The following PLEKHA6 variants were observed in gnomAD, a reference collection of about 807,000 sequenced individuals.
The protein encoded by PLEKHA6 is pleckstrin homology domain-containing family A member 6.
A neutral mutation model predicts 116.7 loss-of-function variants in PLEKHA6; 60 were observed. The observed-to-expected ratio is 0.51, with a 90% CI of 0.42 to 0.64. The LOEUF is 0.64. Ranked by LOEUF, PLEKHA6 falls within the 30% of genes least tolerant of loss-of-function variation. The probability of loss-of-function intolerance (pLI) is 0.00; values close to 1 mark genes in which losing one functional copy is unlikely to be tolerated. For synonymous variants in PLEKHA6, 489 were observed against 556.1 expected, an observed-to-expected ratio of 0.88 and a Z score of 1.70; for missense variants, 1,338 against 1,422.7, an observed-to-expected ratio of 0.94 and a Z score of 0.96.
intron 3 of PLEKHA6, among the ~76,000 whole-genome samples, chr1:204,268,890 C>T (rs569408152): frequency 7.2e-5 from 11 of 152,126 alleles, no homozygotes; most frequent in South Asian, 4.1e-4. Context: ...CATCACTGTC[C>T]GCTTCTCAAT....
chr1:204,366,114 C>T (rs570721529), intron 3 of PLEKHA6, among the ~76,000 whole-genome samples: 12 of 152,264 alleles, frequency 7.9e-5, no homozygotes, highest in Non-Finnish European at 1.8e-4. Context: ...TGGACAGGTA[C>T]GTTTCTAGGG....
At chr1:204,312,749 G>T (rs1345820735) in intron 1 of PLEKHA6, among the ~76,000 whole-genome samples, 1 of 152,188 alleles carries the variant, frequency 6.6e-6, no homozygotes, top group Non-Finnish European at 1.5e-5. Context: ...ATGCCAAAAT[G>T]CAGCCACTTC....
At position 204,261,578 on chromosome 1, in the gene PLEKHA6, T is replaced by G; in HGVS notation, c.382-130A>C. On this transcript the variant is annotated intron_variant, in intron 6 of 22. Transcript: ENST00000272203. This position sits in a 1 kb window ranked among gnomAD's most constrained non-coding sequence, Gnocchi z 4.0. The stretch of plus-strand genomic sequence containing the variant: ...GGGCCATTCCCTGCACCTGGGGCTC[T>G]TCCCCATGCGGAGCTCAGGAGCAAG... 40 of 1,044,128 alleles carry G rather than the reference T, an allele frequency of 3.8e-5. No individual in the cohort carries two copies. Among genetic ancestry groups the G allele is most frequent in the South Asian group, 4.9e-5 (3 of 60,810 alleles). 64.7% of individuals were successfully genotyped at this position (1,044,128 alleles called of 1,614,324 possible).
chr1:204,257,574 C>G lies in PLEKHA6; in HGVS notation c.1303G>C (p.Asp435His). 1 of 1,607,038 alleles carries G rather than the reference C, an allele frequency of 6.2e-7. No homozygotes were observed. The highest frequency in any genetic ancestry group is 8.5e-7 in the Non-Finnish European group (1 of 1,176,580). ...PSPSRQPVYY[D>H]ELDAASSSLR... is the part of the protein sequence containing the mutation. ...GAGCTAGAGGCGGCATCCAGCTCAT[C>G]ATAATAGACTGGCTGCCGGGAGGGG... Residue 435 changes from aspartate to histidine, a missense_variant, in exon 9 of 23, where the codon GAT (aspartate) becomes CAT (histidine). Asp to His is a moderately conservative substitution (Grantham distance 81, BLOSUM62 -1). Coordinates refer to ENST00000272203, the MANE Select transcript of PLEKHA6 (RefSeq NM_014935.5). This position sits in a 1 kb window ranked among gnomAD's most constrained non-coding sequence, Gnocchi z 6.5.
Position 204,261,356 on chromosome 1 carries a change from T to C in PLEKHA6, c.474A>G (p.Arg158=). ...AWIQAMGEAA[R]VQIPPAQKSV... ...ACTTCTGGGCTGGAGGGATCTGTAC[T>C]CGAGCAGCCTCCCCCATGGCCTGGA... The change falls in exon 7 of 23, where the codon CGA becomes CGG. Residue 158 remains arginine (R), a synonymous_variant. Transcript: ENST00000272203. The surrounding 1 kb of genome is among the most constrained non-coding windows in gnomAD (Gnocchi z 4.0). 1 of 1,614,150 alleles carries C rather than the reference T, an allele frequency of 6.2e-7. No homozygotes were observed. The highest frequency in any genetic ancestry group is 1.1e-5 in the South Asian group (1 of 91,084).
At chr1:204,276,869 T>C (rs1292526994) in intron 1 of PLEKHA6, 1 of 152,484 alleles carries the variant, frequency 6.6e-6, no homozygotes, top group East Asian at 1.9e-4. Context: ...GACCTAACTA[T>C]GCTTCCTTCT....
At chr1:204,232,590 A>G (rs545759379) in intron 17 of PLEKHA6, among the ~76,000 whole-genome samples, 2 of 152,354 alleles carry the variant, frequency 1.3e-5, no homozygotes, top group East Asian at 3.9e-4. Flanking sequence ...GCTTGTACAG[A>G]AAGGACAGAG....
chr1:204,248,868 G>A lies in PLEKHA6; in HGVS notation c.1777C>T (p.Gln593Ter). Residue 593 changes from glutamine (Q) to a stop codon, truncating the protein, a stop_gained, in exon 12 of 23, where the codon CAG (glutamine) becomes TAG (stop). Coordinates refer to ENST00000272203, the MANE Select transcript of PLEKHA6 (RefSeq NM_014935.5). LOFTEE classifies it high-confidence loss of function. Reference sequence around the variant, plus strand: ...ACGCGGATGTTGATGAGCTGGTTCTGCAGTGAATCCTTTTTGTGTCGCAGC... The same window carrying A: ...ACGCGGATGTTGATGAGCTGGTTCTACAGTGAATCCTTTTTGTGTCGCAGC... ...EKLRHKKDSL[Q>*]NQLINIRVEL... 11 of 1,614,150 alleles carry A rather than the reference G, an allele frequency of 6.8e-6. No individual in the cohort carries two copies. The highest frequency in any genetic ancestry group is 9.3e-6 in the Non-Finnish European group (11 of 1,180,022).
chr1:204,331,340 C>T (rs948544522), intron 1 of PLEKHA6, among the ~76,000 whole-genome samples: 10 of 152,018 alleles, frequency 6.6e-5, no homozygotes, highest in Non-Finnish European at 1.2e-4. Context: ...AGGCAGAAGG[C>T]GTGGGAAGAA....
At chr1:204,349,087 C>T (rs968676426) in intron 1 of PLEKHA6, among the ~76,000 whole-genome samples, 4 of 152,170 alleles carry the variant, frequency 2.6e-5, no homozygotes, top group Admixed American at 2.0e-4. Context: ...TCTCTTTTCA[C>T]AGCTCTCCTC....
chr1:204,228,613 C>T lies in PLEKHA6; in HGVS notation c.2885+115G>A. ...GGCCCTGTCTGCTGCCTGGAGTCAC[C>T]ACCTCGATGTGCTCTCCCCTGGGGA... On this transcript the variant is annotated intron_variant, in intron 20 of 22. Transcript: ENST00000272203. This position sits in a 1 kb window ranked among gnomAD's most constrained non-coding sequence, Gnocchi z 4.0. 3.2e-6 allele frequency: 3 copies of T among 945,684 alleles called. No homozygotes were observed. The highest frequency in any genetic ancestry group is 5.0e-6 in the Non-Finnish European group (3 of 601,842). 58.6% of individuals were successfully genotyped at this position (945,684 alleles called of 1,614,324 possible).
rs1274734783 is a variant in PLEKHA6, at chr1:204,264,935, A to G, written c.381+7T>C. ...CCACCTGCCCTGGGAAGGGAAGGCC[A>G]ACTGACCTTAAACGTGTGTTTCCGG... is the stretch of plus-strand genomic sequence containing the variant. On this transcript the variant is annotated splice_region_variant and intron_variant, in intron 6 of 22. Transcript: ENST00000272203. 6.2e-7 allele frequency: 1 copy of G among 1,607,220 alleles called. No individual in the cohort carries two copies. The highest frequency in any genetic ancestry group is 8.5e-7 in the Non-Finnish European group (1 of 1,173,650).
At chr1:204,247,252 T>A in intron 13 of PLEKHA6, 113 bp downstream of exon 13, 2 of 646,472 alleles carry the variant, frequency 3.1e-6, no homozygotes, top group South Asian at 3.6e-5. Flanking sequence ...ATTATCTTCA[T>A]CCTGAAACTT....
At position 204,277,015 on chromosome 1, in the gene PLEKHA6, G is replaced by A. The variant is rs370440702; in HGVS notation, c.-94-2206C>T. Reference sequence around the variant, plus strand: ...CCCTACCTGACCCGTCGATCAGCCCGAAACTTCAACATCTTTTTGGCAGCT... The same window carrying A: ...CCCTACCTGACCCGTCGATCAGCCCAAAACTTCAACATCTTTTTGGCAGCT... On this transcript the variant is annotated intron_variant, in intron 1 of 22. Transcript: ENST00000272203. This position sits in a 1 kb window ranked among gnomAD's most constrained non-coding sequence, Gnocchi z 4.1. 2.0e-5 allele frequency: 3 copies of A among 152,724 alleles called. No individual in the cohort carries two copies. Among genetic ancestry groups the A allele is most frequent in the Admixed American group, 1.3e-4 (2 of 15,294 alleles). The allele number at this position is 152,724 out of a possible 1,614,324, so 9.5% of individuals were successfully genotyped here.
intron 3 of PLEKHA6, among the ~76,000 whole-genome samples, chr1:204,268,720 G>C (rs1022771301): frequency 6.6e-6 from 1 of 151,508 alleles, no homozygotes; most frequent in Non-Finnish European, 1.5e-5. Flanking sequence ...TGGGAGTCCT[G>C]TTCGTCATCT....
intron 1 of PLEKHA6, among the ~76,000 whole-genome samples, chr1:204,336,880 G>A (rs1672666822): frequency 6.6e-6 from 1 of 152,188 alleles, no homozygotes. Context: ...AGAAAGCCAG[G>A]TCTAAAGAGG....
chr1:204,236,743 G>A (rs563016031), intron 17 of PLEKHA6, among the ~76,000 whole-genome samples: 40 of 152,220 alleles, frequency 2.6e-4, no homozygotes, highest in African/African-American at 9.6e-4. Context: ...AAATTGGTAG[G>A]AAGCCTACTG....
Position 204,228,305 on chromosome 1 carries a change from G to A in PLEKHA6, c.2886-77C>T, listed in dbSNP as rs553900605. 144 of 1,437,416 alleles carry A rather than the reference G, an allele frequency of 1.0e-4. No individual in the cohort carries two copies. In the African/African-American group the frequency reaches 1.7e-3, roughly 17 times the overall value. 89.0% of individuals were successfully genotyped at this position (1,437,416 alleles called of 1,614,324 possible). ...TGGCTTGAGGGGGCCTGCGGACTGA[G>A]GTTGGCAGGGAGGGCCAGGGCCCCG... On this transcript the variant is annotated intron_variant, in intron 20 of 22. Coordinates refer to ENST00000272203, the MANE Select transcript of PLEKHA6 (RefSeq NM_014935.5). This position sits in a 1 kb window ranked among gnomAD's most constrained non-coding sequence, Gnocchi z 4.0.
chr1:204,377,207 A>G (rs1673885141), intron 1 of PLEKHA6, among the ~76,000 whole-genome samples: 1 of 151,336 alleles, frequency 6.6e-6, no homozygotes, highest in Admixed American at 6.6e-5. Flanking sequence ...CCCATAGGAA[A>G]GTCTCGGGGA....
Sources: allele counts gnomAD v4.1 joint callset (sites outside exome capture counted in the v4.1 genomes callset), GRCh38; gene constraint gnomAD v4.1.1; non-coding constraint Gnocchi (gnomAD v3.1); transcripts MANE v1.5; gene names NCBI Gene and HGNC (gene_info 2026-07-23, HGNC 2026-07-21).